The following COL21A1 variants were observed in gnomAD, a reference collection of about 807,000 sequenced individuals.
COL21A1 encodes the protein collagen alpha-1(XXI) chain.
COL21A1 carries 149 observed loss-of-function variants against 137.9 expected under a neutral mutation model. The observed-to-expected ratio is 1.08, with a 90% CI of 0.95 to 1.24. The LOEUF (loss-of-function observed/expected upper bound fraction) is 1.24, where lower values mean the gene tolerates loss of function less well. Among genes scored for constraint, COL21A1 ranks in the 50% most tolerant of loss-of-function variants. The probability of loss-of-function intolerance (pLI) is 0.00; values close to 1 mark genes in which losing one functional copy is unlikely to be tolerated. For missense variants in COL21A1, 1,167 were observed against 1,158.4 expected (o/e 1.01, Z -0.11); for synonymous variants, 456 against 391.5 (o/e 1.16, Z -1.95).
At chr6:56,391,719 T>A (rs2094030062) in intron 1 of COL21A1, among the ~76,000 whole-genome samples, 1 of 152,128 alleles carries the variant, frequency 6.6e-6, no homozygotes, top group Non-Finnish European at 1.5e-5. Flanking sequence ...TATAAATGTA[T>A]TGGATAAACT....
At chr6:56,276,637 T>C in intron 1 of COL21A1, 2 of 1,438,904 alleles carry the variant, frequency 1.4e-6, no homozygotes, top group South Asian at 1.1e-5. Flanking sequence ...CAAAATCAAT[T>C]TCTGGAAAAC....
At chr6:56,120,122 T>C (rs1772337693) in intron 16 of COL21A1, among the ~76,000 whole-genome samples, 1 of 152,094 alleles carries the variant, frequency 6.6e-6, no homozygotes, top group South Asian at 2.1e-4. Context: ...GTCCATGAAA[T>C]TCAAGAAAAT....
chr6:56,344,194 T>C (rs180766085), intron 1 of COL21A1, among the ~76,000 whole-genome samples: 27 of 152,340 alleles, frequency 1.8e-4, no homozygotes, highest in African/African-American at 6.5e-4. Context: ...GAATTTTTGT[T>C]ATATTTCACC....
chr6:56,083,142 A>G (rs183394868), intron 17 of COL21A1, among the ~76,000 whole-genome samples: 6 of 152,136 alleles, frequency 3.9e-5, no homozygotes, highest in Non-Finnish European at 7.4e-5. Flanking sequence ...TCACAGGGCT[A>G]AATTCCAAGA....
At chr6:56,061,122 T>C (rs1271751848) in intron 25 of COL21A1, 85 bp from the exon 26 acceptor site, 1 of 1,090,914 alleles carries the variant, frequency 9.2e-7, no homozygotes, top group Non-Finnish European at 1.3e-6. Flanking sequence ...AGGATGTGAA[T>C]ATGCATGTAT....
intron 17 of COL21A1, 58 bp downstream of exon 17, chr6:56,101,414 G>C: frequency 1.5e-6 from 2 of 1,307,344 alleles, no homozygotes; most frequent in Non-Finnish European, 2.2e-6. Context: ...TAACCAAAAA[G>C]GATTTCGTAA....
At chr6:56,131,325 G>A (rs1773540655) in intron 12 of COL21A1, among the ~76,000 whole-genome samples, 2 of 151,218 alleles carry the variant, frequency 1.3e-5, no homozygotes, top group African/African-American at 4.9e-5. Flanking sequence ...GACTGTTATT[G>A]GAAGTATTTG....
At chr6:56,378,472 C>T (rs2094003493) in intron 1 of COL21A1, among the ~76,000 whole-genome samples, 1 of 152,146 alleles carries the variant, frequency 6.6e-6, no homozygotes, top group Non-Finnish European at 1.5e-5. Context: ...GAGGCAGTGG[C>T]CACAGGTGAA....
At chr6:56,073,996 A>T (rs982823988) in intron 20 of COL21A1, among the ~76,000 whole-genome samples, 5 of 151,410 alleles carry the variant, frequency 3.3e-5, no homozygotes, top group African/African-American at 1.2e-4. Context: ...AAAAGGGAGA[A>T]GGGGGCTGAG....
intron 14 of COL21A1, among the ~76,000 whole-genome samples, chr6:56,125,130 C>G (rs945735589): frequency 6.8e-6 from 1 of 148,000 alleles, no homozygotes; most frequent in Non-Finnish European, 1.5e-5. Context: ...AAGTGATTCT[C>G]CTGCCTTAGC....
intron 17 of COL21A1, among the ~76,000 whole-genome samples, chr6:56,081,567 T>G (rs1473130531): frequency 6.6e-6 from 1 of 151,870 alleles, no homozygotes; most frequent in Non-Finnish European, 1.5e-5. Context: ...CCACAGTAAC[T>G]GGCAGGCCAT....
chr6:56,060,241 A>G, intron 27 of COL21A1, 23 bp from the exon 28 acceptor site: 1 of 1,549,836 alleles, frequency 6.5e-7, no homozygotes, highest in Non-Finnish European at 8.7e-7. Context: ...AAGAAACCCC[A>G]TCCCTTATGT....
intron 1 of COL21A1, among the ~76,000 whole-genome samples, chr6:56,268,052 C>T (rs1354720657): frequency 6.6e-6 from 1 of 152,132 alleles, no homozygotes; most frequent in Non-Finnish European, 1.5e-5. Context: ...AAGATGGAAC[C>T]AGAGGCCGTT....
chr6:56,260,636 GAAGGAAGGAAGGAAGGAAGGAAT>G (rs1763235693), intron 1 of COL21A1, among the ~76,000 whole-genome samples: 1 of 35,022 alleles, frequency 2.9e-5, no homozygotes, highest in African/African-American at 1.2e-4. Context: ...AGGAAGGAAG[GAAGGAAGGAAGGAAGGAAGGAAT>G]GAAGGAAGGA....
At chr6:56,100,647 G>A (rs1395700196) in intron 17 of COL21A1, among the ~76,000 whole-genome samples, 2 of 152,022 alleles carry the variant, frequency 1.3e-5, no homozygotes, top group Non-Finnish European at 2.9e-5. Flanking sequence ...TAAGCTTCTG[G>A]AAGGTAATAG....
chr6:56,219,216 CA>C (rs386407160), intron 1 of COL21A1, among the ~76,000 whole-genome samples: 59 of 76,490 alleles, frequency 7.7e-4, no homozygotes, highest in Middle Eastern at 7.1e-3. Flanking sequence ...AAACTTGCAC[CA>C]AAAAAAAAAA....
chr6:56,360,007 T>C (rs1765928879), intron 1 of COL21A1, among the ~76,000 whole-genome samples: 2 of 152,222 alleles, frequency 1.3e-5, no homozygotes, highest in African/African-American at 4.8e-5. Context: ...AATAATCACA[T>C]AAATGAACAT....
At chr6:56,231,019 T>C (rs1031980550) in intron 1 of COL21A1, 4 of 151,862 alleles carry the variant, frequency 2.6e-5, no homozygotes, top group Non-Finnish European at 5.9e-5. Context: ...CTTTTGTTTC[T>C]ACAGGAAAAA....
At chr6:56,374,525 C>A (rs573057525) in intron 1 of COL21A1, among the ~76,000 whole-genome samples, 1 of 152,152 alleles carries the variant, frequency 6.6e-6, no homozygotes, top group East Asian at 1.9e-4. Context: ...GAGATTGAGA[C>A]CATCCTGGCC....
Sources: allele counts gnomAD v4.1 joint callset (sites outside exome capture counted in the v4.1 genomes callset), GRCh38; gene constraint gnomAD v4.1.1; transcripts MANE v1.5; gene names NCBI Gene and HGNC (gene_info 2026-07-23, HGNC 2026-07-21).